Variants in MYOCD observed in about 807,000 individuals in gnomAD.
The protein encoded by MYOCD is myocardin.
MYOCD carries 32 observed loss-of-function variants against 96.1 expected under a neutral mutation model. The observed-to-expected ratio is 0.33, with a 90% CI of 0.25 to 0.45. The LOEUF (loss-of-function observed/expected upper bound fraction) is 0.45. Ranked by LOEUF, MYOCD falls within the 20% of genes least tolerant of loss-of-function variation. The probability of loss-of-function intolerance (pLI) is 1.00; values close to 1 mark genes in which losing one functional copy is unlikely to be tolerated. For missense variants in MYOCD, 1,133 were observed against 1,200.6 expected (o/e 0.94, Z 0.83); for synonymous variants, 469 against 469.0 (o/e 1.00, Z 0.00).
chr17:12,666,267 C>T (rs1451118727), intron 1 of MYOCD, 24 bp downstream of exon 1: 4 of 1,562,282 alleles, frequency 2.6e-6, no homozygotes, highest in Non-Finnish European at 3.5e-6. Flanking sequence ...ATTTAGCATT[C>T]CTTCTTAAAC....
chr17:12,703,451 T>C (rs1234480400), intron 1 of MYOCD, among the ~76,000 whole-genome samples: 6 of 152,240 alleles, frequency 3.9e-5, no homozygotes, highest in African/African-American at 1.2e-4. Flanking sequence ...ATTCTGTCCA[T>C]TTTTGCTTCA....
intron 1 of MYOCD, among the ~76,000 whole-genome samples, chr17:12,701,127 T>A (rs2031053342): frequency 1.3e-5 from 2 of 152,178 alleles, no homozygotes; most frequent in Admixed American, 1.3e-4. Flanking sequence ...TTTAGTCCTG[T>A]TATTGATAAA....
At chr17:12,753,381 T>G (rs536234955) in intron 10 of MYOCD, 35 bp downstream of exon 10, 1 of 1,507,922 alleles carries the variant, frequency 6.6e-7, no homozygotes, top group Non-Finnish European at 8.9e-7. Context: ...GGTGCACACT[T>G]CTTTCTGGAA....
chr17:12,709,798 T>G (rs557908663), intron 2 of MYOCD, among the ~76,000 whole-genome samples: 1 of 152,308 alleles, frequency 6.6e-6, no homozygotes, highest in South Asian at 2.1e-4. Flanking sequence ...GTCCACCTCC[T>G]TCCCTAGACC....
chr17:12,760,914 A>G (rs558272690), intron 13 of MYOCD: 10 of 519,326 alleles, frequency 1.9e-5, no homozygotes, highest in Admixed American at 3.2e-5. Context: ...CCTTTGTCCT[A>G]GGAGCATTTT....
chr17:12,729,072 T>G (rs190325559), intron 5 of MYOCD, among the ~76,000 whole-genome samples: 27 of 152,344 alleles, frequency 1.8e-4, no homozygotes, highest in Admixed American at 5.2e-4. Flanking sequence ...TCGTTCATTT[T>G]GAAGGCAGCT....
chr17:12,666,297 C>A lies in MYOCD; in HGVS notation c.55+54C>A, dbSNP rs1029432946. The A allele has an allele frequency of 3.1e-6, 4 of 1,284,430 alleles. No homozygotes were observed. In the African/African-American group the frequency reaches 4.4e-5, roughly 14 times the overall value. The allele number at this position is 1,284,430 out of a possible 1,614,324, so 79.6% of individuals were successfully genotyped here. ...TTAAACTTTCCTCTTCTGCAATTCT[C>A]AACTCTAGAACTGCTTTCCAATAAA... On this transcript the variant is annotated intron_variant, in intron 1 of 13. Transcript: ENST00000425538.
intron 2 of MYOCD, among the ~76,000 whole-genome samples, chr17:12,714,956 T>C (rs2031593412): frequency 6.6e-6 from 1 of 152,188 alleles, no homozygotes; most frequent in Non-Finnish European, 1.5e-5. Flanking sequence ...TTAACTTCCC[T>C]GTCTCCAAGG....
chr17:12,745,674 G>A (rs918704231), intron 8 of MYOCD, among the ~76,000 whole-genome samples: 2 of 152,156 alleles, frequency 1.3e-5, no homozygotes, highest in African/African-American at 2.4e-5. Context: ...CTGAATCACA[G>A]GTGGATGTGT....
chr17:12,751,706 A>T (rs930253133), intron 9 of MYOCD, among the ~76,000 whole-genome samples: 14 of 152,190 alleles, frequency 9.2e-5, no homozygotes, highest in African/African-American at 3.1e-4. Context: ...GCACGGAGTG[A>T]TTGATCACTG....
In MYOCD at chr17:12,764,602, C is replaced by A. The variant is rs2033282798; in HGVS notation, c.*958C>A. The A allele has an allele frequency of 6.6e-6, 1 of 152,216 alleles. No individual in the cohort carries two copies. Among genetic ancestry groups the A allele is most frequent in the African/African-American group, 2.4e-5 (1 of 41,458 alleles). The allele number at this position is 152,216 out of a possible 1,614,324, so 9.4% of individuals were successfully genotyped here. ...CATTTCACATACCCTGGGATAAACA[C>A]CCTGGGTTCCTATAGAAGGACTATT... On this transcript the variant is annotated 3_prime_UTR_variant, in exon 14 of 14. Coordinates refer to ENST00000425538, the MANE Select transcript of MYOCD (RefSeq NM_001146312.3).
chr17:12,710,523 T>C, intron 2 of MYOCD: 1 of 985,096 alleles, frequency 1.0e-6, no homozygotes, highest in Non-Finnish European at 1.2e-6. Flanking sequence ...AGCCACATAC[T>C]TACTGCAAAA....
chr17:12,684,879 A>G (rs959946559), intron 1 of MYOCD, among the ~76,000 whole-genome samples: 2 of 151,658 alleles, frequency 1.3e-5, no homozygotes, highest in African/African-American at 4.8e-5. Context: ...CGCAATGGTG[A>G]TAGCACCTCA....
At chr17:12,733,871 AAAG>A (rs1376882491) in intron 5 of MYOCD, among the ~76,000 whole-genome samples, 1 of 130,552 alleles carries the variant, frequency 7.7e-6, no homozygotes, top group African/African-American at 2.9e-5. Context: ...GTCTCAAAAA[AAAG>A]AAAAAAGAAA....
intron 12 of MYOCD, 24 bp downstream of exon 12, chr17:12,758,237 T>C (rs367718797): frequency 3.1e-5 from 50 of 1,613,934 alleles, no homozygotes; most frequent in Non-Finnish European, 4.2e-5. Flanking sequence ...TTGTTCTTTA[T>C]GGAAGAATAG....
chr17:12,738,633 C>G (rs965383312), intron 6 of MYOCD, among the ~76,000 whole-genome samples: 4 of 151,946 alleles, frequency 2.6e-5, no homozygotes, highest in Non-Finnish European at 5.9e-5. Flanking sequence ...CATATAAACA[C>G]TCAGACACAC....
At chr17:12,716,318 A>G (rs1359031802) in intron 3 of MYOCD, among the ~76,000 whole-genome samples, 1 of 152,006 alleles carries the variant, frequency 6.6e-6, no homozygotes, top group African/African-American at 2.4e-5. Flanking sequence ...AATAACAAAG[A>G]ACAGCAGACT....
intron 1 of MYOCD, among the ~76,000 whole-genome samples, chr17:12,688,990 C>T (rs2030302923): frequency 6.6e-6 from 1 of 152,192 alleles, no homozygotes; most frequent in Non-Finnish European, 1.5e-5. Flanking sequence ...TATTCACACC[C>T]ATGTGCACAC....
At chr17:12,689,682 T>C (rs1162466775) in intron 1 of MYOCD, among the ~76,000 whole-genome samples, 3 of 151,950 alleles carry the variant, frequency 2.0e-5, no homozygotes, top group African/African-American at 7.3e-5. Flanking sequence ...AATACAAAAA[T>C]TAGCTGGGCA....
Sources: allele counts gnomAD v4.1 joint callset (sites outside exome capture counted in the v4.1 genomes callset), GRCh38; gene constraint gnomAD v4.1.1; transcripts MANE v1.5; gene names NCBI Gene and HGNC (gene_info 2026-07-23, HGNC 2026-07-21).